PRR16: variants seen among roughly 807,000 people sequenced by gnomAD.
The protein encoded by PRR16 is protein Largen.
In PRR16, 6 loss-of-function variants were observed where a neutral mutation model predicts 18.2. The observed-to-expected ratio is 0.33, with a 90% CI of 0.18 to 0.65. The LOEUF is 0.65. PRR16 is among the 30% of genes least tolerant of loss of function. The pLI is 0.74. For missense variants in PRR16, 412 were observed against 376.6 expected, an observed-to-expected ratio of 1.09 and a Z score of -0.78; for synonymous variants, 151 against 147.8, an observed-to-expected ratio of 1.02 and a Z score of -0.16.
chr5:120,505,208 C>G (rs959213289), intron 1 of PRR16, among the ~76,000 whole-genome samples: 7 of 152,118 alleles, frequency 4.6e-5, no homozygotes, highest in Non-Finnish European at 1.0e-4. Context: ...AATGAAGCTT[C>G]TCATAAATAT....
At chr5:120,784,792 C>T in the PRR16 span, among the ~76,000 whole-genome samples, 56 of 152,244 alleles carry the variant, frequency 3.7e-4, no homozygotes, top group African/African-American at 1.0e-3. Context: ...GCTAATTCTT[C>T]CTAGAAGAAT....
the PRR16 span, among the ~76,000 whole-genome samples, chr5:120,749,213 A>T: frequency 4.6e-5 from 7 of 151,970 alleles, no homozygotes; most frequent in Non-Finnish European, 7.4e-5. Context: ...AAATTTTATG[A>T]TATATTTTAT....
the PRR16 span, among the ~76,000 whole-genome samples, chr5:120,776,265 C>A: frequency 6.6e-6 from 1 of 152,120 alleles, no homozygotes; most frequent in Non-Finnish European, 1.5e-5. Flanking sequence ...TTTCCAGTTC[C>A]CCAAAGTGGA....
intron 1 of PRR16, among the ~76,000 whole-genome samples, chr5:120,664,834 A>G (rs915791253): frequency 2.1e-5 from 3 of 146,134 alleles, no homozygotes; most frequent in Admixed American, 6.8e-5. Context: ...TATGTGCCAC[A>G]TTTTCTTAAT....
At chr5:120,584,707 C>T (rs1753382911) in intron 1 of PRR16, among the ~76,000 whole-genome samples, 1 of 150,208 alleles carries the variant, frequency 6.7e-6, no homozygotes, top group Admixed American at 6.6e-5. Context: ...TAGTAATTTC[C>T]TCAACCAGGA....
intron 1 of PRR16, among the ~76,000 whole-genome samples, chr5:120,501,268 A>G (rs1036064910): frequency 4.6e-5 from 7 of 152,292 alleles, no homozygotes; most frequent in African/African-American, 1.7e-4. Context: ...GGAGAATTCT[A>G]CCATTAATTT....
chr5:120,534,845 C>T (rs759890972), intron 1 of PRR16, among the ~76,000 whole-genome samples: 6 of 151,950 alleles, frequency 3.9e-5, no homozygotes, highest in Admixed American at 2.6e-4. Context: ...CATGTAAGTA[C>T]GTGTAAAATA....
intron 1 of PRR16, among the ~76,000 whole-genome samples, chr5:120,664,267 C>A (rs1175865297): frequency 2.0e-5 from 3 of 151,632 alleles, no homozygotes; most frequent in African/African-American, 7.3e-5. Flanking sequence ...CCATTGCACT[C>A]CAGCCTGGGA....
chr5:120,667,611 T>C (rs1418758963), intron 1 of PRR16, among the ~76,000 whole-genome samples: 1 of 151,606 alleles, frequency 6.6e-6, no homozygotes, highest in Non-Finnish European at 1.5e-5. Flanking sequence ...AATTTCCCTC[T>C]ACACACTGCT....
the PRR16 span, among the ~76,000 whole-genome samples, chr5:120,783,204 A>T: frequency 6.6e-6 from 1 of 152,192 alleles, no homozygotes; most frequent in Non-Finnish European, 1.5e-5. Context: ...TTTTCTTCAC[A>T]TTACAATAAT....
At position 120,656,742 on chromosome 5, in the gene PRR16, A is replaced by G. The variant is rs1003492192; in HGVS notation, c.160-29212A>G. On this transcript the variant is annotated intron_variant, in intron 1 of 1. Coordinates refer to ENST00000407149, the MANE Select transcript of PRR16 (RefSeq NM_001300783.2). ...GTAATCAGCCAATTATTGACTTAGTATCATACATAAGTGATATATTTGTGC... is the reference window on the plus strand; with the variant it reads ...GTAATCAGCCAATTATTGACTTAGTGTCATACATAAGTGATATATTTGTGC... Among the ~76,000 whole-genome samples, 7 of 152,120 alleles carry G rather than the reference A, an allele frequency of 4.6e-5. No homozygotes were observed. The South Asian group carries it at 6.2e-4, about 14-fold the overall frequency.
At chr5:120,739,275 A>T in the PRR16 span, among the ~76,000 whole-genome samples, 7 of 152,280 alleles carry the variant, frequency 4.6e-5, no homozygotes, top group Non-Finnish European at 8.8e-5. Context: ...GTTATAAAAA[A>T]ATTTGTAATG....
At chr5:120,786,436 A>G in the PRR16 span, among the ~76,000 whole-genome samples, 1 of 151,346 alleles carries the variant, frequency 6.6e-6, no homozygotes, top group Admixed American at 6.6e-5. Flanking sequence ...TTTTTTTAAC[A>G]TGATTTTGGT....
intron 1 of PRR16, among the ~76,000 whole-genome samples, chr5:120,561,471 A>G (rs1752573098): frequency 6.6e-6 from 1 of 152,170 alleles, no homozygotes; most frequent in African/African-American, 2.4e-5. Context: ...CATTGTGGTC[A>G]GAGAAGATTC....
chr5:120,788,958 A>G, the PRR16 span, among the ~76,000 whole-genome samples: 1 of 152,030 alleles, frequency 6.6e-6, no homozygotes, highest in Non-Finnish European at 1.5e-5. Context: ...AGTGACTAGT[A>G]ATTTTGTCAC....
intron 1 of PRR16, among the ~76,000 whole-genome samples, chr5:120,678,228 C>A (rs994362943): frequency 6.6e-6 from 1 of 152,048 alleles, no homozygotes; most frequent in Admixed American, 6.5e-5. Context: ...CAAGGCTTTA[C>A]GAGTTAGGCA....
chr5:120,735,447 G>C, the PRR16 span, among the ~76,000 whole-genome samples: 1 of 152,234 alleles, frequency 6.6e-6, no homozygotes, highest in Non-Finnish European at 1.5e-5. Context: ...TGTACAAGTG[G>C]TGTAGTTTCT....
At chr5:120,748,447 G>T in the PRR16 span, among the ~76,000 whole-genome samples, 1 of 151,902 alleles carries the variant, frequency 6.6e-6, no homozygotes, top group Non-Finnish European at 1.5e-5. Context: ...TTATATGTGT[G>T]TAGTATATTT....
downstream of PRR16, among the ~76,000 whole-genome samples, chr5:120,688,791 A>G (rs948592150): frequency 3.9e-5 from 6 of 152,202 alleles, no homozygotes; most frequent in African/African-American, 1.2e-4. Context: ...GCAACCACAC[A>G]TCACCTACAG....
Sources: gnomAD v4.1 joint callset for allele counts (sites outside exome capture counted in the v4.1 genomes callset) on GRCh38, gnomAD v4.1.1 for gene constraint, MANE v1.5 for transcripts, NCBI Gene and HGNC (gene_info 2026-07-23, HGNC 2026-07-21) for gene names.